The following HMCN2 variants were observed in gnomAD, a reference collection of about 807,000 sequenced individuals.
HMCN2 encodes hemicentin 2.
Under a neutral mutation model 377.5 loss-of-function variants are expected in HMCN2, and 325 were observed. The observed-to-expected ratio is 0.86, with a 90% confidence interval of 0.79 to 0.94. HMCN2 has a LOEUF of 0.94. Ranked by LOEUF, HMCN2 falls within the 40% of genes least tolerant of loss-of-function variation. The pLI is 0.00. For synonymous variants in HMCN2, 2,007 were observed against 2,046.8 expected (o/e 0.98, Z 0.53); for missense variants, 4,543 against 4,725.3 (o/e 0.96, Z 1.13).
chr9:130,384,940 G>A (rs1841937193), intron 59 of HMCN2, 142 bp downstream of exon 59: 1 of 442,688 alleles, frequency 2.3e-6, no homozygotes, highest in South Asian at 1.9e-5. Context: ...CAGCTCTGAG[G>A]AGGGGGAGCA....
chr9:130,275,490 C>A (rs1335392833), intron 1 of HMCN2, among the ~76,000 whole-genome samples: 2 of 152,130 alleles, frequency 1.3e-5, no homozygotes, highest in Non-Finnish European at 2.9e-5. Flanking sequence ...TGCTCTGTCA[C>A]CTAGGCTGGA....
intron 44 of HMCN2, 110 bp downstream of exon 44, chr9:130,368,547 T>G (rs191456853): frequency 3.8e-6 from 2 of 522,190 alleles, no homozygotes; most frequent in African/African-American, 4.1e-5. Flanking sequence ...TGGTGCAGGC[T>G]TTCTCCTCCC....
chr9:130,431,015 G>T (rs145468963), intron 95 of HMCN2: 5,695 of 419,894 alleles, frequency 0.014, 73 homozygotes, highest in Non-Finnish European at 0.018. Flanking sequence ...GGTAGAGGGG[G>T]GTGGGGGTGG....
chr9:130,277,269 G>A (rs1022725853), intron 1 of HMCN2, among the ~76,000 whole-genome samples: 1 of 152,250 alleles, frequency 6.6e-6, no homozygotes, highest in Admixed American at 6.5e-5. Flanking sequence ...CCAAGGTCAC[G>A]GGTTTAATCA....
intron 1 of HMCN2, among the ~76,000 whole-genome samples, chr9:130,280,351 T>C (rs1835047109): frequency 6.6e-6 from 1 of 151,504 alleles, no homozygotes; most frequent in Non-Finnish European, 1.5e-5. Context: ...TTTTGTATTT[T>C]TTAGTAGAGA....
At chr9:130,280,150 G>GTTT (rs1226580626) in intron 1 of HMCN2, among the ~76,000 whole-genome samples, 1 of 50,382 alleles carries the variant, frequency 2.0e-5, no homozygotes, top group African/African-American at 1.4e-4. Flanking sequence ...GTGTGTGTGT[G>GTTT]TTTTTTTTTT....
At chr9:130,335,638 G>A (rs1381195798) in intron 22 of HMCN2, among the ~76,000 whole-genome samples, 6 of 152,118 alleles carry the variant, frequency 3.9e-5, no homozygotes, top group Admixed American at 6.5e-5. Context: ...CATATACTAT[G>A]TCCTGGGCAC....
At position 130,414,673 on chromosome 9, in the gene HMCN2, A is replaced by G. The variant is rs1206187981; in HGVS notation, c.12961+4021A>G. ...GTTGCCCAGGCTGGAGTGCAGTGAC[A>G]TGATCAGGGCTCACTGCAGCCTGGG... On this transcript the variant is annotated intron_variant, in intron 85 of 97. Coordinates refer to ENST00000683500, the MANE Select transcript of HMCN2 (RefSeq NM_001291815.2). This position sits in a 1 kb window ranked among gnomAD's most constrained non-coding sequence, Gnocchi z 4.4. Among the ~76,000 whole-genome samples, 1 of 151,204 alleles carries G rather than the reference A, an allele frequency of 6.6e-6. No homozygotes were observed. Among genetic ancestry groups the G allele is most frequent in the African/African-American group, 2.4e-5 (1 of 41,052 alleles).
At chr9:130,429,900 T>C in intron 94 of HMCN2, 4 of 922,498 alleles carry the variant, frequency 4.3e-6, no homozygotes, top group Non-Finnish European at 6.2e-6. Flanking sequence ...TGCCTGCCTG[T>C]GCACCAAAAC....
intron 22 of HMCN2, among the ~76,000 whole-genome samples, chr9:130,328,245 C>T (rs1339126289): frequency 1.3e-5 from 2 of 152,228 alleles, no homozygotes; most frequent in African/African-American, 4.8e-5. Context: ...CCCAGGGAGC[C>T]GGCCCTGGGC....
chr9:130,405,615 T>G (rs1843053064), intron 81 of HMCN2, among the ~76,000 whole-genome samples: 1 of 152,220 alleles, frequency 6.6e-6, no homozygotes, highest in East Asian at 1.9e-4. Flanking sequence ...CTCCTCCTCT[T>G]GGAGCCCCTG....
intron 73 of HMCN2, among the ~76,000 whole-genome samples, chr9:130,397,272 G>A (rs937538991): frequency 1.3e-5 from 2 of 152,146 alleles, no homozygotes; most frequent in Non-Finnish European, 2.9e-5. Flanking sequence ...ATCAGATCTC[G>A]TGAGACCCAT....
At chr9:130,341,523 C>T (rs1340378080) in intron 24 of HMCN2, among the ~76,000 whole-genome samples, 158 bp downstream of exon 24, 2 of 152,192 alleles carry the variant, frequency 1.3e-5, no homozygotes, top group Non-Finnish European at 2.9e-5. Context: ...CTTCCAGCCC[C>T]ACAGCTTTGG....
intron 3 of HMCN2, 131 bp from the exon 4 acceptor site, chr9:130,286,057 T>C: frequency 1.0e-5 from 4 of 385,626 alleles, no homozygotes; most frequent in Non-Finnish European, 1.6e-5. Flanking sequence ...GTGTCATATG[T>C]CATTCTATAC....
Position 130,400,773 on chromosome 9 carries a change from T to C in HMCN2, c.11606-10T>C. ...GCCGGCAGGGCCTCAAGCCTTGTCT[T>C]GGGTTTTAGTGCCTCCCACCATTGC... On this transcript the variant is annotated splice_polypyrimidine_tract_variant and intron_variant, in intron 76 of 97. Coordinates refer to ENST00000683500, the MANE Select transcript of HMCN2 (RefSeq NM_001291815.2). The C allele has an allele frequency of 7.8e-7, 1 of 1,281,410 alleles. No individual in the cohort carries two copies. Among genetic ancestry groups the C allele is most frequent in the Non-Finnish European group, 1.0e-6 (1 of 984,712 alleles). 79.4% of individuals were successfully genotyped at this position (1,281,410 alleles called of 1,614,324 possible). A position where few individuals can be genotyped will look rare whatever the true frequency, so the allele number is the denominator to read the frequency against.
chr9:130,265,964 T>C lies in HMCN2; in HGVS notation c.86T>C (p.Val29Ala), dbSNP rs930268726. The change falls in exon 1 of 98, where the codon GTA becomes GCA. Residue 29 changes from valine (V) to alanine (A), a missense_variant. By Grantham distance (64) the Val-to-Ala change is moderately conservative. Around this residue, in one of 5 missense-constraint regions of HMCN2, gnomAD observed 547 missense variants for 189.9 expected, o/e 2.88. Coordinates refer to ENST00000683500, the MANE Select transcript of HMCN2 (RefSeq NM_001291815.2). ...AVAVAGAPGT[V>A]MPPTTGDATL... The stretch of plus-strand genomic sequence containing the variant: ...GCAGTGGCCGGGGCGCCCGGGACGG[T>C]AATGCCCCCCACCACGGGGGACGCC... 5 of 464,110 alleles carry C rather than the reference T, an allele frequency of 1.1e-5. No homozygotes were observed. The highest frequency in any genetic ancestry group is 2.2e-5 in the Non-Finnish European group (5 of 224,802). 28.7% of individuals were successfully genotyped at this position (464,110 alleles called of 1,614,324 possible). A position where few individuals can be genotyped will look rare whatever the true frequency, so the allele number is the denominator to read the frequency against.
rs991687775 is a variant in HMCN2 at position 130,393,706 on chromosome 9, T to TA, written c.10235-32dup. On this transcript the variant is annotated intron_variant, in intron 67 of 97. Coordinates refer to ENST00000683500, the MANE Select transcript of HMCN2 (RefSeq NM_001291815.2). This position sits in a 1 kb window ranked among gnomAD's most constrained non-coding sequence, Gnocchi z 5.2. ...AGTACTGGAGATGAGAGTCCTGGAA[T>TA]AAAATGGTTCCTGCCCACCTTTCTG... 3 of 1,207,382 alleles carry TA rather than the reference T, an allele frequency of 2.5e-6. No individual in the cohort carries two copies. The highest frequency in any genetic ancestry group is 3.2e-5 in the African/African-American group (2 of 62,936). The allele number at this position is 1,207,382 out of a possible 1,614,324, so 74.8% of individuals were successfully genotyped here. A position where few individuals can be genotyped will look rare whatever the true frequency, so the allele number is the denominator to read the frequency against.
At position 130,388,504 on chromosome 9, in the gene HMCN2, C is replaced by T. The variant is rs1842132652; in HGVS notation, c.9487C>T (p.Pro3163Ser). ...CTGTGATGTGTCCGGGGTCCCTGCACCCACGGTCACTTGGCTGAAGGACAG... is the reference window on the plus strand; with the variant it reads ...CTGTGATGTGTCCGGGGTCCCTGCATCCACGGTCACTTGGCTGAAGGACAG... The part of the protein sequence containing the change: ...LTCDVSGVPA[P>S]TVTWLKDRMP... Residue 3163 changes from proline (P) to serine (S), a missense_variant, in exon 62 of 98, where the codon CCC becomes TCC. Transcript: ENST00000683500. The T allele has an allele frequency of 1.0e-6, 1 of 988,088 alleles. No individual in the cohort carries two copies. Among genetic ancestry groups the T allele is most frequent in the South Asian group, 4.7e-5 (1 of 21,378 alleles). 61.2% of individuals were successfully genotyped at this position (988,088 alleles called of 1,614,324 possible).
chr9:130,393,204 G>A lies in HMCN2; in HGVS notation c.10137-8G>A, dbSNP rs2131682096. 2 of 988,000 alleles carry A rather than the reference G, an allele frequency of 2.0e-6. No individual in the cohort carries two copies. Among genetic ancestry groups the A allele is most frequent in the Non-Finnish European group, 2.4e-6 (2 of 830,164 alleles). The allele number at this position is 988,000 out of a possible 1,614,324, so 61.2% of individuals were successfully genotyped here. On this transcript the variant is annotated splice_region_variant and splice_polypyrimidine_tract_variant and intron_variant, in intron 66 of 97. Coordinates refer to ENST00000683500, the MANE Select transcript of HMCN2 (RefSeq NM_001291815.2). The surrounding 1 kb of genome is among the most constrained non-coding windows in gnomAD (Gnocchi z 5.2). ...GTCTCCTTCTCCCTCTCCTCTCGGGGGATTCAGGATTTCCAAGGTGCAATT... is the reference window on the plus strand; with the variant it reads ...GTCTCCTTCTCCCTCTCCTCTCGGGAGATTCAGGATTTCCAAGGTGCAATT...
Sources: gnomAD v4.1 joint callset for allele counts (sites outside exome capture counted in the v4.1 genomes callset) on GRCh38, gnomAD v4.1.1 for gene constraint, gnomAD v4.1.1 regional missense constraint, Gnocchi (gnomAD v3.1) non-coding constraint, MANE v1.5 for transcripts, NCBI Gene and HGNC (gene_info 2026-07-23, HGNC 2026-07-21) for gene names.